BMERB1: variants seen among roughly 807,000 people sequenced by gnomAD.
BMERB1 encodes bMERB domain containing 1.
A neutral mutation model predicts 23.6 loss-of-function variants in BMERB1; 12 were observed. That is an observed-to-expected ratio of 0.51 (90% CI 0.33 to 0.82). BMERB1 has a LOEUF of 0.82. Among genes scored for constraint, BMERB1 ranks in the 40% least tolerant of loss-of-function variants. The pLI is 0.03. For synonymous variants in BMERB1, 122 were observed against 96.6 expected (o/e 1.26, Z -1.54); for missense variants, 247 against 255.4 (o/e 0.97, Z 0.22).
At position 15,588,211 on chromosome 16, in the gene BMERB1, C is replaced by T. The variant is rs953514325; in HGVS notation, c.*1382C>T. ...TTCCTACTTATTATACCACCATCTT[C>T]CACATCATTAAAAGCTCTTTGTAAA... On this transcript the variant is annotated 3_prime_UTR_variant, in exon 6 of 6. Coordinates refer to ENST00000300006, the MANE Select transcript of BMERB1 (RefSeq NM_033201.3). The T allele has an allele frequency of 6.6e-6, 1 of 152,186 alleles. No homozygotes were observed. The highest frequency in any genetic ancestry group is 1.5e-5 in the Non-Finnish European group (1 of 68,034). 9.4% of individuals were successfully genotyped at this position (152,186 alleles called of 1,614,324 possible). A position where few individuals can be genotyped will look rare whatever the true frequency, so the allele number is the denominator to read the frequency against.
chr16:15,580,040 T>G (rs1250485381), intron 3 of BMERB1, among the ~76,000 whole-genome samples: 3 of 152,112 alleles, frequency 2.0e-5, no homozygotes, highest in Non-Finnish European at 2.9e-5. Context: ...AAGCCCAGCA[T>G]GCATTAGCTA....
At chr16:15,540,708 G>A (rs887130983) in intron 2 of BMERB1, among the ~76,000 whole-genome samples, 2 of 152,294 alleles carry the variant, frequency 1.3e-5, no homozygotes, top group South Asian at 2.1e-4. Flanking sequence ...GCAGCAAGAG[G>A]CAGCACACGT....
intron 1 of BMERB1, among the ~76,000 whole-genome samples, chr16:15,469,536 G>T (rs1421682144): frequency 6.6e-6 from 1 of 152,116 alleles, no homozygotes; most frequent in Non-Finnish European, 1.5e-5. Context: ...CCTTGCAGGG[G>T]TATTGATAGG....
rs141920149 is a variant in BMERB1 at position 15,538,549 on chromosome 16, A to G, written c.230+23121A>G. Reference sequence around the variant, plus strand: ...CTACTGTTCCATGTCTTCAATGCTCATGCTGCTGCTTAGACCTGTTAGAAC... The same window carrying G: ...CTACTGTTCCATGTCTTCAATGCTCGTGCTGCTGCTTAGACCTGTTAGAAC... On this transcript the variant is annotated intron_variant, in intron 2 of 5. Coordinates refer to ENST00000300006, the MANE Select transcript of BMERB1 (RefSeq NM_033201.3). Among the ~76,000 whole-genome samples the G allele has an allele frequency of 4.4e-3, 673 of 152,274 alleles. 10 individuals are homozygous for G. The highest frequency in any genetic ancestry group is 0.017 in the Middle Eastern group (5 of 294).
chr16:15,525,194 T>TC (rs1232008511), intron 2 of BMERB1, among the ~76,000 whole-genome samples: 3 of 152,100 alleles, frequency 2.0e-5, no homozygotes, highest in Admixed American at 6.6e-5. Context: ...AAAGGGTGAG[T>TC]AGGAGGGAAC....
chr16:15,491,878 C>T (rs2051424126), intron 1 of BMERB1, among the ~76,000 whole-genome samples: 1 of 152,228 alleles, frequency 6.6e-6, no homozygotes, highest in South Asian at 2.1e-4. Context: ...TGGCATTTTA[C>T]TCTCTTCCTA....
intron 1 of BMERB1, among the ~76,000 whole-genome samples, chr16:15,472,003 A>G (rs1481399404): frequency 6.6e-6 from 1 of 152,174 alleles, no homozygotes; most frequent in African/African-American, 2.4e-5. Context: ...TTGTTTTAGA[A>G]TTCTTCTTTG....
intron 2 of BMERB1, among the ~76,000 whole-genome samples, chr16:15,525,757 A>T (rs2051899499): frequency 6.6e-6 from 1 of 151,988 alleles, no homozygotes; most frequent in African/African-American, 2.4e-5. Context: ...AATAAAATAA[A>T]TCTCTTCAGT....
At chr16:15,506,546 G>A (rs1021652390) in intron 1 of BMERB1, among the ~76,000 whole-genome samples, 21 of 151,856 alleles carry the variant, frequency 1.4e-4, no homozygotes, top group African/African-American at 5.1e-4. Flanking sequence ...TGACCTCTCG[G>A]CCTTCCAGAT....
chr16:15,481,905 T>G (rs2150935625), intron 1 of BMERB1, among the ~76,000 whole-genome samples: 1 of 151,692 alleles, frequency 6.6e-6, no homozygotes, highest in Middle Eastern at 3.4e-3. Flanking sequence ...TTGTATTTTT[T>G]TTTTTAGTAG....
Position 15,587,114 on chromosome 16 carries a change from G to A in BMERB1, c.*285G>A. On this transcript the variant is annotated 3_prime_UTR_variant, in exon 6 of 6. Coordinates refer to ENST00000300006, the MANE Select transcript of BMERB1 (RefSeq NM_033201.3). ...CCAGGAAAGGTCCTCCCTCAAAAAA[G>A]CATATCTCCACTTCTCTCTAGCTGT... The A allele has an allele frequency of 2.3e-6, 1 of 430,980 alleles. No individual in the cohort carries two copies. Among genetic ancestry groups the A allele is most frequent in the Non-Finnish European group, 4.2e-6 (1 of 240,174 alleles). 26.7% of individuals were successfully genotyped at this position (430,980 alleles called of 1,614,324 possible).
At chr16:15,515,978 C>G (rs1019861646) in intron 2 of BMERB1, among the ~76,000 whole-genome samples, 2 of 152,168 alleles carry the variant, frequency 1.3e-5, no homozygotes, top group Admixed American at 6.5e-5. Context: ...AAGTTGGGCT[C>G]TGAGTGTGTG....
At chr16:15,485,284 C>T (rs2051358425) in intron 1 of BMERB1, among the ~76,000 whole-genome samples, 1 of 152,152 alleles carries the variant, frequency 6.6e-6, no homozygotes, top group South Asian at 2.1e-4. Context: ...GGCAAAAAAT[C>T]AGGTGTCATT....
chr16:15,451,537 T>A (rs1443823312), intron 1 of BMERB1, among the ~76,000 whole-genome samples: 3 of 149,548 alleles, frequency 2.0e-5, no homozygotes, highest in Non-Finnish European at 4.4e-5. Context: ...ACATACTGGG[T>A]CACTCTTAGT....
At chr16:15,527,208 CTG>C (rs2051918182) in intron 2 of BMERB1, among the ~76,000 whole-genome samples, 1 of 152,118 alleles carries the variant, frequency 6.6e-6, no homozygotes, top group Non-Finnish European at 1.5e-5. Context: ...AACTGAAACT[CTG>C]TACCATTCAA....
intron 1 of BMERB1, among the ~76,000 whole-genome samples, chr16:15,492,928 G>GA (rs978469438): frequency 6.6e-6 from 1 of 150,960 alleles, no homozygotes; most frequent in South Asian, 2.1e-4. Flanking sequence ...CAAAAAAAAA[G>GA]AAAAAAAAGA....
intron 1 of BMERB1, among the ~76,000 whole-genome samples, chr16:15,480,974 A>G (rs1464831600): frequency 6.6e-6 from 1 of 152,214 alleles, no homozygotes; most frequent in African/African-American, 2.4e-5. Flanking sequence ...GAAGATCTGT[A>G]TAAGAGAATT....
At chr16:15,501,646 T>C (rs2051531541) in intron 1 of BMERB1, among the ~76,000 whole-genome samples, 1 of 152,212 alleles carries the variant, frequency 6.6e-6, no homozygotes, top group African/African-American at 2.4e-5. Context: ...GGCTAATTTT[T>C]GTATTTTTAG....
At chr16:15,569,210 C>T (rs997837715) in intron 3 of BMERB1, among the ~76,000 whole-genome samples, 8 of 151,042 alleles carry the variant, frequency 5.3e-5, no homozygotes, top group South Asian at 4.2e-4. Context: ...AGCGAGACTC[C>T]GACTCAAAAA....
Sources: gnomAD v4.1 joint callset for allele counts (sites outside exome capture counted in the v4.1 genomes callset) on GRCh38, gnomAD v4.1.1 for gene constraint, MANE v1.5 for transcripts, NCBI Gene and HGNC (gene_info 2026-07-23, HGNC 2026-07-21) for gene names.